Variants in LUZP2 observed in about 807,000 individuals in gnomAD.
LUZP2 encodes leucine zipper protein 2.
LUZP2 carries 52 observed loss-of-function variants against 51.6 expected under a neutral mutation model. The ratio of observed to expected loss-of-function variants is 1.01; its 90% CI spans 0.81 to 1.27. The LOEUF (loss-of-function observed/expected upper bound fraction) is 1.27, where lower values mean the gene tolerates loss of function less well. Among genes scored for constraint, LUZP2 ranks in the 50% most tolerant of loss-of-function variants. The pLI is 0.00. For synonymous variants in LUZP2, 154 were observed against 137.3 expected (o/e 1.12, Z -0.85); for missense variants, 436 against 395.4 (o/e 1.10, Z -0.87).
At chr11:25,059,566 G>A (rs1858776439) in intron 10 of LUZP2, among the ~76,000 whole-genome samples, 1 of 152,128 alleles carries the variant, frequency 6.6e-6, no homozygotes, top group African/African-American at 2.4e-5. Context: ...ACCTTCTGAA[G>A]CATTTGAATG....
chr11:24,813,805 G>A (rs1850091755), intron 5 of LUZP2, among the ~76,000 whole-genome samples: 1 of 152,264 alleles, frequency 6.6e-6, no homozygotes, highest in Middle Eastern at 3.4e-3. Flanking sequence ...TCTCTGAGAT[G>A]CCCCTCCCTT....
At chr11:24,910,330 T>C (rs1485632501) in intron 6 of LUZP2, among the ~76,000 whole-genome samples, 1 of 152,142 alleles carries the variant, frequency 6.6e-6, no homozygotes, top group East Asian at 1.9e-4. Flanking sequence ...GAGCCCAATG[T>C]TAATCACCAA....
chr11:24,846,675 T>C (rs1160609696), intron 5 of LUZP2, among the ~76,000 whole-genome samples: 2 of 152,074 alleles, frequency 1.3e-5, no homozygotes, highest in Non-Finnish European at 2.9e-5. Flanking sequence ...ATCCAAAGTC[T>C]ATGAGAGAAC....
intron 1 of LUZP2, among the ~76,000 whole-genome samples, chr11:24,725,746 AATCTTAATCTCT>A (rs1364232920): frequency 1.3e-5 from 2 of 152,156 alleles, no homozygotes; most frequent in African/African-American, 4.8e-5. Flanking sequence ...TATGTGTTGA[AATCTTAATCTCT>A]AGTACATTAG....
intron 1 of LUZP2, among the ~76,000 whole-genome samples, chr11:24,706,955 C>A (rs1336246358): frequency 6.8e-6 from 1 of 147,568 alleles, no homozygotes; most frequent in Non-Finnish European, 1.5e-5. Context: ...ATCTGGGGTT[C>A]ATCTTTACAC....
rs142675267 is a variant in LUZP2 at position 24,772,543 on chromosome 11, G to T, written c.396+9235G>T. On this transcript the variant is annotated intron_variant, in intron 5 of 11. Transcript: ENST00000336930. The stretch of plus-strand genomic sequence containing the variant: ...TGGTTATTTGCCTATCTTAAGTGAT[G>T]ATTTCTGTGAAATGTTAGTCAACTG... Among the ~76,000 whole-genome samples, 655 of 152,224 alleles carry T rather than the reference G, an allele frequency of 4.3e-3. 5 individuals carry two copies. The highest frequency in any genetic ancestry group is 0.012 in the African/African-American group (519 of 41,548).
chr11:24,859,772 G>A (rs1446517005), intron 5 of LUZP2, among the ~76,000 whole-genome samples: 1 of 152,224 alleles, frequency 6.6e-6, no homozygotes, highest in East Asian at 1.9e-4. Flanking sequence ...CCAGCCAAAG[G>A]AGGCGATGAG....
intron 5 of LUZP2, among the ~76,000 whole-genome samples, chr11:24,901,689 C>T (rs1359869573): frequency 6.6e-6 from 1 of 152,100 alleles, no homozygotes; most frequent in Admixed American, 6.6e-5. Flanking sequence ...ATATCTAAAC[C>T]TGATCAAGTG....
chr11:25,052,689 A>G (rs75438836), intron 10 of LUZP2, among the ~76,000 whole-genome samples: 1,573 of 152,164 alleles, frequency 0.01, 37 homozygotes, highest in African/African-American at 0.036. Context: ...CTACCAGTCT[A>G]GAGACTTAAG....
At chr11:24,981,615 G>A (rs908599644) in intron 8 of LUZP2, among the ~76,000 whole-genome samples, 3 of 151,792 alleles carry the variant, frequency 2.0e-5, no homozygotes, top group Non-Finnish European at 2.9e-5. Flanking sequence ...TGGTTCAAAC[G>A]CCCCTGACGC....
At chr11:24,918,783 T>G (rs1169647537) in intron 7 of LUZP2, among the ~76,000 whole-genome samples, 1 of 148,796 alleles carries the variant, frequency 6.7e-6, no homozygotes, top group Non-Finnish European at 1.5e-5. Context: ...TATTTCCCTT[T>G]GTATGAATTA....
intron 9 of LUZP2, among the ~76,000 whole-genome samples, chr11:25,012,089 T>C (rs1481171100): frequency 6.6e-6 from 1 of 152,074 alleles, no homozygotes; most frequent in East Asian, 1.9e-4. Context: ...TAGCAATGTG[T>C]TTCCTATTAT....
At position 24,858,706 on chromosome 11, in the gene LUZP2, T is replaced by C. The variant is rs141922680; in HGVS notation, c.397-47285T>C. ...TGTAGTTCTTTAGTAAAGAAGAACG[T>C]TTATATGCAAAGCAGGACAAGGTGT... On this transcript the variant is annotated intron_variant, in intron 5 of 11. Coordinates refer to ENST00000336930, the MANE Select transcript of LUZP2 (RefSeq NM_001009909.4). Among the ~76,000 whole-genome samples, 1,271 of 152,308 alleles carry C rather than the reference T, an allele frequency of 8.3e-3. 11 individuals are homozygous for C. The highest frequency in any genetic ancestry group is 0.011 in the Non-Finnish European group (755 of 68,014).
intron 1 of LUZP2, among the ~76,000 whole-genome samples, chr11:24,563,368 A>T (rs1450425281): frequency 1.3e-5 from 2 of 152,200 alleles, no homozygotes; most frequent in Non-Finnish European, 2.9e-5. Flanking sequence ...CAATTTATTA[A>T]ATAACTATTA....
At chr11:24,503,893 C>T (rs942947392) in intron 1 of LUZP2, among the ~76,000 whole-genome samples, 11 of 152,096 alleles carry the variant, frequency 7.2e-5, no homozygotes, top group African/African-American at 1.9e-4. Context: ...CAAATTGTTG[C>T]ACCACATGTA....
chr11:24,681,051 G>A (rs1347330012), intron 1 of LUZP2, among the ~76,000 whole-genome samples: 3 of 150,304 alleles, frequency 2.0e-5, no homozygotes, highest in Admixed American at 6.7e-5. Context: ...GCGCAATCTC[G>A]GCTCACTGCA....
At chr11:24,509,665 C>T (rs545274721) in intron 1 of LUZP2, among the ~76,000 whole-genome samples, 42 of 149,736 alleles carry the variant, frequency 2.8e-4, no homozygotes, top group African/African-American at 3.7e-4. Context: ...AAATATATTC[C>T]GTAGTATATA....
chr11:24,948,505 G>T (rs1276331114), intron 7 of LUZP2, among the ~76,000 whole-genome samples: 1 of 151,670 alleles, frequency 6.6e-6, no homozygotes, highest in Non-Finnish European at 1.5e-5. Context: ...GCAGGGCAGG[G>T]TTAGCACCAG....
intron 4 of LUZP2, among the ~76,000 whole-genome samples, chr11:24,761,190 A>G (rs1345447296): frequency 6.6e-6 from 1 of 152,194 alleles, no homozygotes; most frequent in Non-Finnish European, 1.5e-5. Flanking sequence ...CTATACAGGA[A>G]GCATAGCTGG....
Sources: gnomAD v4.1 joint callset for allele counts (sites outside exome capture counted in the v4.1 genomes callset) on GRCh38, gnomAD v4.1.1 for gene constraint, MANE v1.5 for transcripts, NCBI Gene and HGNC (gene_info 2026-07-23, HGNC 2026-07-21) for gene names.